CFAP54: variants seen among roughly 807,000 people sequenced by gnomAD.
CFAP54 encodes cilia and flagella associated protein 54.
Under a neutral mutation model 370.4 loss-of-function variants are expected in CFAP54, and 290 were observed. The ratio of observed to expected loss-of-function variants is 0.78; its 90% confidence interval spans 0.71 to 0.86. CFAP54 has a LOEUF of 0.86. Ranked by LOEUF, CFAP54 falls within the 40% of genes least tolerant of loss-of-function variation. CFAP54 has a pLI of 0.00. For synonymous variants in CFAP54, 1,206 were observed against 1,236.5 expected (o/e 0.98, Z 0.52); for missense variants, 3,399 against 3,528.7 (o/e 0.96, Z 0.93).
intron 63 of CFAP54, among the ~76,000 whole-genome samples, chr12:96,811,332 G>T (rs1958925918): frequency 2.0e-5 from 3 of 152,132 alleles, no homozygotes; most frequent in Admixed American, 2.0e-4. Context: ...GAAGAGGAAG[G>T]CAACAGCATA....
At chr12:96,646,507 A>T (rs1478715169) in intron 33 of CFAP54, 1 of 152,244 alleles carries the variant, frequency 6.6e-6, no homozygotes, top group African/African-American at 2.4e-5. Flanking sequence ...GTGGGACTGT[A>T]TGTAAACTAG....
chr12:96,512,500 G>A (rs952125098), intron 4 of CFAP54, among the ~76,000 whole-genome samples: 5 of 151,348 alleles, frequency 3.3e-5, no homozygotes, highest in Non-Finnish European at 7.4e-5. Context: ...ATGCCACCAC[G>A]CCCGGCTAAT....
chr12:96,495,022 G>C (rs548037924), intron 1 of CFAP54, among the ~76,000 whole-genome samples: 10 of 152,310 alleles, frequency 6.6e-5, no homozygotes, highest in African/African-American at 1.9e-4. Flanking sequence ...ACTGCGCCTA[G>C]ACAACAGATG....
At chr12:96,825,663 CTATAA>C (rs1304525976) in intron 65 of CFAP54, among the ~76,000 whole-genome samples, 2 of 117,624 alleles carry the variant, frequency 1.7e-5, no homozygotes, top group Non-Finnish European at 3.2e-5. Context: ...ATATATCATG[CTATAA>C]TATATTATAT....
intron 26 of CFAP54, among the ~76,000 whole-genome samples, chr12:96,606,188 A>G (rs1294226568): frequency 6.6e-6 from 1 of 152,224 alleles, no homozygotes; most frequent in African/African-American, 2.4e-5. Flanking sequence ...CTGTAGCAAG[A>G]GGAAGAGTAG....
In CFAP54 at chr12:96,625,773, T is replaced by G; in HGVS notation, c.3942T>G (p.Val1314=). 6 of 1,535,850 alleles carry G rather than the reference T, an allele frequency of 3.9e-6. No individual in the cohort carries two copies. Among genetic ancestry groups the G allele is most frequent in the South Asian group, 3.6e-5 (3 of 84,048 alleles). ...ACCCTATATTTCTTTATCCTGTAGT[T>G]TTGAATTGGTCGGTCAAAGGTGCCG... ...GEDPIFLYPV[V]LNWSVKGAVK... The change falls in exon 29 of 68, where the codon GTT becomes GTG. Residue 1314 remains valine (V), a synonymous_variant. Transcript: ENST00000524981.
chr12:96,605,634 G>A lies in CFAP54; in HGVS notation c.3639+6867G>A, dbSNP rs547912708. Among the ~76,000 whole-genome samples the A allele has an allele frequency of 6.7e-5, 10 of 149,894 alleles. No homozygotes were observed. The South Asian group carries it at 9.2e-4, about 14-fold the overall frequency. The stretch of plus-strand genomic sequence containing the variant: ...ATTCCTTCATTCAATATGTATTTAC[G>A]ATTACCTATTTGTGTCAGGCACTGG... On this transcript the variant is annotated intron_variant, in intron 26 of 67. Coordinates refer to ENST00000524981, the MANE Select transcript of CFAP54 (RefSeq NM_001306084.2).
chr12:96,749,091 A>G (rs1958154011), intron 55 of CFAP54, among the ~76,000 whole-genome samples: 1 of 152,216 alleles, frequency 6.6e-6, no homozygotes, highest in Non-Finnish European at 1.5e-5. Context: ...GTAACAAAAT[A>G]CCTTAGACTG....
rs151217395 is a variant in CFAP54, at chr12:96,706,235, A to G, written c.6528+1439A>G. Among the ~76,000 whole-genome samples, 13 of 152,330 alleles carry G rather than the reference A, an allele frequency of 8.5e-5. No homozygotes were observed. The East Asian group carries it at 2.5e-3, about 29-fold the overall frequency. Reference sequence around the variant, plus strand: ...AAATATGTAAATTATATAGTGCATTAGACGGAGAACCATGCTGTGGGAGAA... The same window carrying G: ...AAATATGTAAATTATATAGTGCATTGGACGGAGAACCATGCTGTGGGAGAA... On this transcript the variant is annotated intron_variant, in intron 47 of 67. Coordinates refer to ENST00000524981, the MANE Select transcript of CFAP54 (RefSeq NM_001306084.2).
chr12:96,756,528 T>C lies in CFAP54; in HGVS notation c.7911T>C (p.Ala2637=). The C allele has an allele frequency of 6.2e-7, 1 of 1,605,954 alleles. No homozygotes were observed. The highest frequency in any genetic ancestry group is 8.5e-7 in the Non-Finnish European group (1 of 1,175,374). ...PSFQLESLYE[A]IQLSLKNDQN... ...TTCAACTTGAGAGTTTATATGAAGC[T>C]ATACAACTAAGCCTGAAAAATGATC... is the stretch of plus-strand genomic sequence containing the variant. The change falls in exon 57 of 68, where the codon GCT becomes GCC. Residue 2637 remains alanine, a synonymous_variant. Transcript: ENST00000524981.
At chr12:96,704,566 G>T (rs1484451908) in intron 46 of CFAP54, among the ~76,000 whole-genome samples, 177 bp from the exon 47 acceptor site, 3 of 139,310 alleles carry the variant, frequency 2.2e-5, no homozygotes, top group Non-Finnish European at 3.0e-5. Flanking sequence ...ATTCTTAAAA[G>T]AAGTTGACTT....
intron 67 of CFAP54, among the ~76,000 whole-genome samples, chr12:96,863,762 G>A (rs1358156687): frequency 6.6e-6 from 1 of 151,946 alleles, no homozygotes; most frequent in East Asian, 1.9e-4. Flanking sequence ...CTCTGGGGAA[G>A]GCAGAGCTCT....
intron 26 of CFAP54, among the ~76,000 whole-genome samples, chr12:96,617,373 A>C (rs984224418): frequency 1.7e-4 from 26 of 152,336 alleles, no homozygotes; most frequent in East Asian, 3.9e-4. Context: ...TGGTGCATAG[A>C]GTGAGAAGGG....
At chr12:96,512,301 T>TTTTATATATATA (rs1473973322) in intron 4 of CFAP54, among the ~76,000 whole-genome samples, 7 of 31,136 alleles carry the variant, frequency 2.2e-4, no homozygotes, top group African/African-American at 4.5e-4. Flanking sequence ...GGAACCAATT[T>TTTTATATATATA]TATATATATA....
chr12:96,654,211 G>A (rs12228465), intron 36 of CFAP54, among the ~76,000 whole-genome samples: 119,930 of 151,744 alleles, frequency 0.79, 47,568 homozygotes, highest in East Asian at 0.86. Flanking sequence ...TTTTTATTTG[G>A]AAAATTTAGG....
rs758639546 is a variant in CFAP54 at position 96,757,485 on chromosome 12, A to G, written c.7947-10A>G. On this transcript the variant is annotated splice_polypyrimidine_tract_variant and intron_variant, in intron 57 of 67. Transcript: ENST00000524981. ...AGCTATTTAATAAGTACAGTGCTAT[A>G]TCATTTTAGATTGATAAGAGACTCC... is the stretch of plus-strand genomic sequence containing the variant. 1.5e-5 allele frequency: 22 copies of G among 1,469,380 alleles called. No individual in the cohort carries two copies. Among genetic ancestry groups the G allele is most frequent in the South Asian group, 2.3e-5 (2 of 85,496 alleles). 91.0% of individuals were successfully genotyped at this position (1,469,380 alleles called of 1,614,324 possible). A position where few individuals can be genotyped will look rare whatever the true frequency, so the allele number is the denominator to read the frequency against.
intron 38 of CFAP54, among the ~76,000 whole-genome samples, chr12:96,662,676 C>G (rs1310663454): frequency 6.6e-6 from 1 of 152,120 alleles, no homozygotes; most frequent in Non-Finnish European, 1.5e-5. Flanking sequence ...CCCCTGATCT[C>G]TCCAGTAACT....
chr12:96,514,097 C>A (rs763024769), intron 5 of CFAP54, among the ~76,000 whole-genome samples: 9 of 152,122 alleles, frequency 5.9e-5, no homozygotes, highest in Non-Finnish European at 1.2e-4. Flanking sequence ...GGAATGTAGG[C>A]CAAGAAGGGC....
At chr12:96,787,288 T>C (rs891241957) in intron 62 of CFAP54, among the ~76,000 whole-genome samples, 3 of 152,074 alleles carry the variant, frequency 2.0e-5, no homozygotes, top group African/African-American at 4.8e-5. Context: ...AAATGTGTGA[T>C]AAAAATTATT....
Sources: gnomAD v4.1 joint callset for allele counts (sites outside exome capture counted in the v4.1 genomes callset) on GRCh38, gnomAD v4.1.1 for gene constraint, MANE v1.5 for transcripts, NCBI Gene and HGNC (gene_info 2026-07-23, HGNC 2026-07-21) for gene names.